TPRX1: variants seen among roughly 807,000 people sequenced by gnomAD.
The protein encoded by TPRX1 is tetra-peptide repeat homeobox protein 1.
In TPRX1, 2 loss-of-function variants were observed where a neutral mutation model predicts 8.1. The observed-to-expected ratio is 0.25, with a 90% CI of 0.10 to 0.78. The LOEUF (loss-of-function observed/expected upper bound fraction) is 0.78. Ranked by LOEUF, TPRX1 falls within the 30% of genes least tolerant of loss-of-function variation. The pLI is 0.70. For missense variants in TPRX1, 517 were observed against 586.9 expected (o/e 0.88, Z 1.23); for synonymous variants, 257 against 254.1 (o/e 1.01, Z -0.11).
chr19:47,803,090 C>T (rs905765062), intron 3 of TPRX1, 110 bp from the exon 3 acceptor site: 3 of 1,293,470 alleles, frequency 2.3e-6, no homozygotes, highest in African/African-American at 3.0e-5. Flanking sequence ...TCAACAGCCC[C>T]CCATCCCCCA....
intron 2 of TPRX1, among the ~76,000 whole-genome samples, chr19:47,816,449 C>G (rs1237514064): frequency 6.6e-6 from 1 of 151,264 alleles, no homozygotes; most frequent in Non-Finnish European, 1.5e-5. Context: ...TAGGGTCTCA[C>G]TATGTTGCCC....
At chr19:47,818,060 G>A (rs1967860591) in intron 2 of TPRX1, among the ~76,000 whole-genome samples, 1 of 152,200 alleles carries the variant, frequency 6.6e-6, no homozygotes, top group Non-Finnish European at 1.5e-5. Flanking sequence ...AGCATCCAGA[G>A]ATTCAAACAC....
exon 4 of TPRX1, chr19:47,801,633 T>G (rs1967663718): frequency 2.0e-6 from 2 of 996,184 alleles, no homozygotes; most frequent in South Asian, 1.7e-5. Flanking sequence ...CCACCTGTGA[T>G]AGCTGCACAG....
At chr19:47,801,857 T>C in exon 4 of TPRX1, 1 of 1,614,058 alleles carries the variant, frequency 6.2e-7, no homozygotes, top group African/African-American at 1.3e-5. Flanking sequence ...CCCTGAGTGT[T>C]TTTTGCCCAT....
chr19:47,812,025 C>A (rs1269391655), intron 2 of TPRX1, among the ~76,000 whole-genome samples: 1 of 151,716 alleles, frequency 6.6e-6, no homozygotes. Flanking sequence ...TGCCACCACG[C>A]CCGGCTAATT....
At chr19:47,811,893 T>C (rs920732022) in intron 2 of TPRX1, among the ~76,000 whole-genome samples, 1 of 151,366 alleles carries the variant, frequency 6.6e-6, no homozygotes, top group African/African-American at 2.4e-5. Context: ...TGAGACGGAG[T>C]TTCGCTCTTG....
chr19:47,818,352 C>CCATG, intron 2 of TPRX1: 1 of 334,464 alleles, frequency 3.0e-6, no homozygotes, highest in Non-Finnish European at 5.8e-6. Context: ...ATCCATCCAT[C>CCATG]CATCCATCCA....
chr19:47,817,688 G>A (rs1967856688), intron 2 of TPRX1, among the ~76,000 whole-genome samples: 1 of 152,028 alleles, frequency 6.6e-6, no homozygotes, highest in African/African-American at 2.4e-5. Flanking sequence ...TGCTCCCATG[G>A]GATTCCCAGG....
exon 4 of TPRX1, chr19:47,802,569 G>C: frequency 6.4e-7 from 1 of 1,550,996 alleles, no homozygotes; most frequent in Non-Finnish European, 8.7e-7. Context: ...CCACGGAATG[G>C]GCCTGGGATC....
At chr19:47,801,542 C>T (rs761845747) in exon 4 of TPRX1, 1 of 502,018 alleles carries the variant, frequency 2.0e-6, no homozygotes, top group Non-Finnish European at 3.4e-6. Context: ...TGCCAGATAT[C>T]CCAGTGAGCA....
intron 2 of TPRX1, among the ~76,000 whole-genome samples, chr19:47,812,117 C>T (rs1208595656): frequency 3.3e-5 from 5 of 151,958 alleles, no homozygotes; most frequent in East Asian, 2.0e-4. Context: ...CCGCCCACCT[C>T]GGCCTCCCAA....
At chr19:47,803,094 TC>T in intron 3 of TPRX1, 114 bp from the exon 3 acceptor site, 2 of 1,026,492 alleles carry the variant, frequency 1.9e-6, no homozygotes, top group Non-Finnish European at 2.5e-6. Flanking sequence ...CAGCCCCCCA[TC>T]CCCCACCCCA....
intron 2 of TPRX1, among the ~76,000 whole-genome samples, chr19:47,816,433 T>C (rs546743092): frequency 6.6e-6 from 1 of 152,036 alleles, no homozygotes; most frequent in South Asian, 2.1e-4. Flanking sequence ...TTTTATTTTG[T>C]AGAGATAGGG....
exon 4 of TPRX1, chr19:47,802,556 G>A: frequency 6.4e-7 from 1 of 1,550,760 alleles, no homozygotes; most frequent in Non-Finnish European, 8.7e-7. Flanking sequence ...GCCTGGGATT[G>A]GGCCACGGAA....
At chr19:47,813,772 T>C (rs1309245737) in intron 2 of TPRX1, among the ~76,000 whole-genome samples, 1 of 151,976 alleles carries the variant, frequency 6.6e-6, no homozygotes, top group East Asian at 1.9e-4. Flanking sequence ...AAATCGGATC[T>C]AATTCTGCTC....
At position 47,802,940 on chromosome 19, in the gene TPRX1, C is replaced by T. The variant is rs572964960; in HGVS notation, c.362G>A (p.Arg121Gln). 11 of 1,552,448 alleles carry T rather than the reference C, an allele frequency of 7.1e-6. No individual in the cohort carries two copies. In the African/African-American group the frequency reaches 9.4e-5, roughly 13 times the overall value. The change falls in exon 4 of 4, where the codon CGG becomes CAG. Residue 121 changes from arginine (R) to glutamine (Q), a missense_variant. Physicochemically the swap from Arg to Gln is conservative, Grantham distance 43. Around this residue, in one of 3 missense-constraint regions of TPRX1, gnomAD observed 506 missense variants for 515.5 expected, o/e 0.98. Coordinates refer to ENST00000535759, the Ensembl canonical transcript of TPRX1. ...GCGCTGGGGCTGCTGCTGGAGCCGC[C>T]GCTCCCGAGCTAGTTTGGCGCGGCG...
chr19:47,815,114 T>A (rs1479025451), intron 2 of TPRX1, among the ~76,000 whole-genome samples: 1 of 63,390 alleles, frequency 1.6e-5, no homozygotes, highest in Non-Finnish European at 2.7e-5. Flanking sequence ...AATAGATAAA[T>A]TATATATATA....
intron 2 of TPRX1, among the ~76,000 whole-genome samples, chr19:47,812,058 G>C (rs1967788818): frequency 1.3e-5 from 2 of 151,206 alleles, no homozygotes; most frequent in South Asian, 4.2e-4. Flanking sequence ...TAGAGATGGA[G>C]TTTCTCCATG....
In TPRX1 at chr19:47,809,472, G is replaced by A. The variant is rs577430524; in HGVS notation, c.152-5799C>T. The stretch of plus-strand genomic sequence containing the variant: ...TAATTTTTGTATTTTTTGTAGAGAC[G>A]GGGTTTTGCCATGTTACCCAGGCTG... On this transcript the variant is annotated intron_variant, in intron 2 of 3. Coordinates refer to ENST00000535759, the Ensembl canonical transcript of TPRX1. Among the ~76,000 whole-genome samples, 8 of 151,874 alleles carry A rather than the reference G, an allele frequency of 5.3e-5. No homozygotes were observed. In the South Asian group the frequency reaches 1.2e-3, roughly 24 times the overall value.
Sources: gnomAD v4.1 joint callset for allele counts (sites outside exome capture counted in the v4.1 genomes callset) on GRCh38, gnomAD v4.1.1 for gene constraint, gnomAD v4.1.1 regional missense constraint, MANE v1.5 for transcripts, NCBI Gene and HGNC (gene_info 2026-07-23, HGNC 2026-07-21) for gene names.